SEMA5A: variants seen among roughly 807,000 people sequenced by gnomAD.
SEMA5A encodes the protein semaphorin 5A.
In SEMA5A, 55 loss-of-function variants were observed where a neutral mutation model predicts 135.5. The ratio of observed to expected loss-of-function variants is 0.41; its 90% confidence interval spans 0.33 to 0.51. The LOEUF (loss-of-function observed/expected upper bound fraction) is 0.51. Ranked by LOEUF, SEMA5A falls within the 20% of genes least tolerant of loss-of-function variation. The probability of loss-of-function intolerance (pLI) is 0.37; values close to 1 mark genes in which losing one functional copy is unlikely to be tolerated. For missense variants in SEMA5A, 1,290 were observed against 1,419.9 expected (o/e 0.91, Z 1.47); for synonymous variants, 580 against 546.5 (o/e 1.06, Z -0.85).
At chr5:9,496,507 G>T (rs1361625448) in intron 1 of SEMA5A, among the ~76,000 whole-genome samples, 1 of 152,066 alleles carries the variant, frequency 6.6e-6, no homozygotes, top group African/African-American at 2.4e-5. Context: ...AGTCCACAGA[G>T]GCCACTGAAC....
rs2099873583 is a variant in SEMA5A at position 9,317,404 on chromosome 5, G to A, written c.270+968C>T. On this transcript the variant is annotated intron_variant, in intron 5 of 22. Transcript: ENST00000382496. ...ACAGATGAGGAACCAATAATTCCTAGAAGTCATGGAACTAGATCACAAATC... is the reference window on the plus strand; with the variant it reads ...ACAGATGAGGAACCAATAATTCCTAAAAGTCATGGAACTAGATCACAAATC... Among the ~76,000 whole-genome samples the A allele has an allele frequency of 2.0e-5, 3 of 152,162 alleles. No homozygotes were observed. In the South Asian group the frequency reaches 6.2e-4, roughly 32 times the overall value.
chr5:9,092,166 T>C (rs193001422), intron 16 of SEMA5A, among the ~76,000 whole-genome samples: 107 of 152,288 alleles, frequency 7.0e-4, no homozygotes, highest in African/African-American at 2.4e-3. Flanking sequence ...CTCATGGTTG[T>C]TCCAGGCTTA....
chr5:9,534,238 C>T (rs185198988), intron 1 of SEMA5A, among the ~76,000 whole-genome samples: 5 of 152,260 alleles, frequency 3.3e-5, no homozygotes, highest in South Asian at 4.1e-4. Context: ...CTTTGTCCCC[C>T]GACTCTTAAT....
intron 2 of SEMA5A, among the ~76,000 whole-genome samples, chr5:9,380,508 T>C (rs886340999): frequency 3.3e-5 from 5 of 152,226 alleles, no homozygotes; most frequent in Non-Finnish European, 5.9e-5. Flanking sequence ...AATTGATGAA[T>C]ATTATGCTGC....
rs145947305 is a variant in SEMA5A, at chr5:9,063,084, C to T, written c.2321G>A (p.Arg774His). Reference protein sequence around the residue: ...STDGLSGDFLRAGRYSAHTVN... With the variant: ...STDGLSGDFLHAGRYSAHTVN... ...CGTGTGGGCAGAGTATCTCCCAGCA[C>T]GCAGGAAATCCCCAGAAAGCCCTGC... The change falls in exon 18 of 23, where the codon CGT (arginine) becomes CAT (histidine). Residue 774 changes from arginine to histidine, a missense_variant. Around this residue, in one of 3 missense-constraint regions of SEMA5A, gnomAD observed 1,029 missense variants for 1,086.6 expected, o/e 0.95. Transcript: ENST00000382496. The T allele has an allele frequency of 1.5e-4, 234 of 1,613,516 alleles. No homozygotes were observed. The highest frequency in any genetic ancestry group is 7.7e-4 in the Admixed American group (46 of 59,950).
chr5:9,453,398 T>G (rs1758717462), intron 1 of SEMA5A, among the ~76,000 whole-genome samples: 1 of 152,168 alleles, frequency 6.6e-6, no homozygotes, highest in African/African-American at 2.4e-5. Flanking sequence ...TCGTGCCACA[T>G]TTTTTGCACT....
chr5:9,356,737 A>G (rs1579404524), intron 3 of SEMA5A, among the ~76,000 whole-genome samples: 1 of 152,356 alleles, frequency 6.6e-6, no homozygotes, highest in East Asian at 1.9e-4. Flanking sequence ...CAGATACTGA[A>G]GTAGATCATA....
chr5:9,537,468 T>C (rs957957707), intron 1 of SEMA5A, among the ~76,000 whole-genome samples: 3 of 152,002 alleles, frequency 2.0e-5, no homozygotes, highest in Admixed American at 2.0e-4. Flanking sequence ...CCATCAAAAG[T>C]GGTATGAAAG....
chr5:9,152,798 G>A (rs922428875), intron 12 of SEMA5A, among the ~76,000 whole-genome samples: 2 of 152,212 alleles, frequency 1.3e-5, no homozygotes, highest in African/African-American at 2.4e-5. Flanking sequence ...AGGGCTGGGC[G>A]CAGTGGCACA....
chr5:9,296,894 TG>T (rs1751360090), intron 5 of SEMA5A, among the ~76,000 whole-genome samples: 2 of 11,098 alleles, frequency 1.8e-4, no homozygotes, highest in East Asian at 0.014. Context: ...TGCTCCAAAC[TG>T]TGATCTCAAA....
At chr5:9,425,302 GC>G (rs1416206716) in intron 2 of SEMA5A, among the ~76,000 whole-genome samples, 2 of 152,216 alleles carry the variant, frequency 1.3e-5, no homozygotes, top group African/African-American at 2.4e-5. Flanking sequence ...TGCTCAGAGA[GC>G]CAGGAGCCTA....
chr5:9,114,198 C>T (rs1455495132), intron 15 of SEMA5A, among the ~76,000 whole-genome samples: 2 of 152,106 alleles, frequency 1.3e-5, no homozygotes, highest in African/African-American at 4.8e-5. Flanking sequence ...AAGCCAGACA[C>T]AAAATGGCAA....
intron 16 of SEMA5A, among the ~76,000 whole-genome samples, chr5:9,106,959 A>G (rs1739950978): frequency 6.6e-6 from 1 of 152,158 alleles, no homozygotes; most frequent in South Asian, 2.1e-4. Flanking sequence ...GTCTGGTGTA[A>G]TATCTGACAA....
intron 13 of SEMA5A, among the ~76,000 whole-genome samples, chr5:9,135,226 G>C (rs1741666746): frequency 6.7e-6 from 1 of 148,804 alleles, no homozygotes; most frequent in South Asian, 2.1e-4. Flanking sequence ...TGTCGCCCAG[G>C]CTGGAGTGCA....
intron 8 of SEMA5A, among the ~76,000 whole-genome samples, chr5:9,217,381 A>G (rs530289314): frequency 1.6e-4 from 24 of 152,116 alleles, no homozygotes; most frequent in Non-Finnish European, 2.6e-4. Context: ...ATGGTGTTCC[A>G]TTTGTAGGTG....
At chr5:9,444,850 G>A (rs1199686710) in intron 1 of SEMA5A, among the ~76,000 whole-genome samples, 1 of 152,074 alleles carries the variant, frequency 6.6e-6, no homozygotes, top group Non-Finnish European at 1.5e-5. Context: ...CTCTTGGTTT[G>A]CCCGCACCGG....
chr5:9,391,989 A>T (rs1444496499), intron 2 of SEMA5A, among the ~76,000 whole-genome samples: 1 of 152,162 alleles, frequency 6.6e-6, no homozygotes. Context: ...ACATATGCAC[A>T]TGCACGCGTG....
chr5:9,243,936 T>C (rs56740226), intron 5 of SEMA5A, among the ~76,000 whole-genome samples: 2 of 152,198 alleles, frequency 1.3e-5, no homozygotes, highest in African/African-American at 4.8e-5. Flanking sequence ...GAGAAATTTG[T>C]GCATGTCTAA....
At position 9,482,405 on chromosome 5, in the gene SEMA5A, A is replaced by G. The variant is rs911660044; in HGVS notation, c.-174-44553T>C. ...AATAAATTTTGATTGAGACAGGAAGAAAAAGGAAAAACACAAGACATTACC... is the reference window on the plus strand; with the variant it reads ...AATAAATTTTGATTGAGACAGGAAGGAAAAGGAAAAACACAAGACATTACC... On this transcript the variant is annotated intron_variant, in intron 1 of 22. Coordinates refer to ENST00000382496, the MANE Select transcript of SEMA5A (RefSeq NM_003966.3). Among the ~76,000 whole-genome samples the G allele has an allele frequency of 3.3e-5, 5 of 152,212 alleles. No homozygotes were observed. In the South Asian group the frequency reaches 6.2e-4, roughly 19 times the overall value.
Sources: allele counts gnomAD v4.1 joint callset (sites outside exome capture counted in the v4.1 genomes callset), GRCh38; gene constraint gnomAD v4.1.1; regional missense constraint gnomAD v4.1.1; transcripts MANE v1.5; gene names NCBI Gene and HGNC (gene_info 2026-07-23, HGNC 2026-07-21).